RBFOX1: variants seen among roughly 807,000 people sequenced by gnomAD.
RBFOX1 encodes RNA binding protein fox-1 homolog 1.
A neutral mutation model predicts 57.7 loss-of-function variants in RBFOX1; 8 were observed. The ratio of observed to expected loss-of-function variants is 0.14; its 90% CI spans 0.08 to 0.25. The LOEUF (loss-of-function observed/expected upper bound fraction) is 0.25. Among genes scored for constraint, RBFOX1 ranks in the 10% least tolerant of loss-of-function variants. The probability of loss-of-function intolerance (pLI) is 1.00; values close to 1 mark genes in which losing one functional copy is unlikely to be tolerated. For synonymous variants in RBFOX1, 326 were observed against 222.4 expected, an observed-to-expected ratio of 1.47 and a Z score of -4.15; for missense variants, 611 against 548.5, an observed-to-expected ratio of 1.11 and a Z score of -1.14.
intron 1 of RBFOX1, among the ~76,000 whole-genome samples, chr16:6,226,891 C>T (rs868599500): frequency 6.6e-6 from 1 of 150,726 alleles, no homozygotes; most frequent in Non-Finnish European, 1.5e-5. Flanking sequence ...GCTGGATTGC[C>T]TGAGCTCAGG....
intron 5 of RBFOX1, among the ~76,000 whole-genome samples, chr16:7,575,297 G>C (rs144783843): frequency 6.6e-6 from 1 of 152,116 alleles, no homozygotes; most frequent in East Asian, 1.9e-4. Flanking sequence ...ACCCCACCTG[G>C]CTAATTTTTG....
chr16:6,840,346 C>T (rs990393388), intron 3 of RBFOX1, among the ~76,000 whole-genome samples: 5 of 152,186 alleles, frequency 3.3e-5, no homozygotes, highest in African/African-American at 9.7e-5. Context: ...TTCATTCGTT[C>T]ATTCATTGGT....
intron 3 of RBFOX1, among the ~76,000 whole-genome samples, chr16:5,837,106 C>G (rs1194290839): frequency 6.6e-6 from 1 of 152,186 alleles, no homozygotes; most frequent in Middle Eastern, 3.4e-3. Flanking sequence ...TTCTAGCCTC[C>G]TTTCCCAACC....
At chr16:5,841,423 C>T (rs1485285542) in intron 3 of RBFOX1, among the ~76,000 whole-genome samples, 3 of 152,166 alleles carry the variant, frequency 2.0e-5, no homozygotes. Context: ...GTATCTTCTT[C>T]CCGAGAGCAA....
At chr16:7,262,351 C>T (rs1567941348) in intron 4 of RBFOX1, among the ~76,000 whole-genome samples, 1 of 151,812 alleles carries the variant, frequency 6.6e-6, no homozygotes, top group Non-Finnish European at 1.5e-5. Context: ...CAATCATGTA[C>T]TTTTTTGAAA....
chr16:7,230,331 C>T (rs1419305274), intron 4 of RBFOX1, among the ~76,000 whole-genome samples: 3 of 152,148 alleles, frequency 2.0e-5, no homozygotes, highest in Admixed American at 1.3e-4. Flanking sequence ...TCAATAATTA[C>T]TCCGTGTGTT....
At chr16:5,998,067 A>C (rs991401649) in intron 4 of RBFOX1, among the ~76,000 whole-genome samples, 1 of 152,212 alleles carries the variant, frequency 6.6e-6, no homozygotes. Flanking sequence ...GTGTGAGAAG[A>C]CATTTGAGTT....
chr16:7,401,753 C>T (rs1237633859), intron 4 of RBFOX1, among the ~76,000 whole-genome samples: 1 of 152,124 alleles, frequency 6.6e-6, no homozygotes, highest in Admixed American at 6.6e-5. Context: ...ATTATGGACT[C>T]AACAGACATA....
chr16:5,527,551 A>G (rs962057880), intron 2 of RBFOX1, among the ~76,000 whole-genome samples: 3 of 152,162 alleles, frequency 2.0e-5, no homozygotes, highest in South Asian at 2.1e-4. Flanking sequence ...GAGCCACTGA[A>G]TATGTAGGGG....
chr16:6,125,684 C>T (rs1013287129), intron 1 of RBFOX1, among the ~76,000 whole-genome samples: 2 of 152,076 alleles, frequency 1.3e-5, no homozygotes, highest in African/African-American at 4.8e-5. Context: ...AGCAGAAATG[C>T]GTGTCTAACC....
At chr16:5,807,893 C>G (rs2055284980) in intron 3 of RBFOX1, among the ~76,000 whole-genome samples, 1 of 152,228 alleles carries the variant, frequency 6.6e-6, no homozygotes, top group African/African-American at 2.4e-5. Flanking sequence ...CAACTGGACA[C>G]TTTCCAGAAC....
chr16:6,846,767 T>C (rs968221504), intron 3 of RBFOX1, among the ~76,000 whole-genome samples: 2 of 152,190 alleles, frequency 1.3e-5, no homozygotes, highest in Non-Finnish European at 2.9e-5. Flanking sequence ...TTGTCTTTGA[T>C]AGGAGATGGC....
At chr16:5,751,844 A>G (rs1032874929) in intron 3 of RBFOX1, among the ~76,000 whole-genome samples, 4 of 152,234 alleles carry the variant, frequency 2.6e-5, no homozygotes, top group African/African-American at 9.7e-5. Context: ...AATTAGTTCA[A>G]CCATTGTGGA....
chr16:6,608,294 A>G (rs2097977014), intron 2 of RBFOX1, among the ~76,000 whole-genome samples: 1 of 152,192 alleles, frequency 6.6e-6, no homozygotes, highest in Admixed American at 6.6e-5. Flanking sequence ...GTAAAGCCAT[A>G]TAGTATCCTG....
intron 4 of RBFOX1, among the ~76,000 whole-genome samples, chr16:7,161,546 C>A (rs982098283): frequency 6.6e-6 from 1 of 152,128 alleles, no homozygotes; most frequent in African/African-American, 2.4e-5. Flanking sequence ...AAGAGAGGTA[C>A]ATGTCAGTGA....
At chr16:5,733,275 G>A (rs920447404) in intron 3 of RBFOX1, among the ~76,000 whole-genome samples, 1 of 152,114 alleles carries the variant, frequency 6.6e-6, no homozygotes, top group African/African-American at 2.4e-5. Flanking sequence ...ACGCTTCTGA[G>A]CACCACTGAC....
At chr16:5,478,348 G>T (rs1355363452) in intron 2 of RBFOX1, among the ~76,000 whole-genome samples, 1 of 152,122 alleles carries the variant, frequency 6.6e-6, no homozygotes, top group Admixed American at 6.5e-5. Context: ...TGCTTCTGGA[G>T]GGGGAGTTCC....
downstream of RBFOX1, among the ~76,000 whole-genome samples, chr16:5,604,134 T>G (rs979494911): frequency 2.0e-5 from 3 of 152,204 alleles, no homozygotes; most frequent in South Asian, 4.1e-4. Flanking sequence ...AATTTTTACT[T>G]TGTTCTGCCT....
chr16:6,524,631 A>G (rs2096553951), intron 2 of RBFOX1, among the ~76,000 whole-genome samples: 1 of 152,170 alleles, frequency 6.6e-6, no homozygotes, highest in African/African-American at 2.4e-5. Flanking sequence ...TGCCATAACA[A>G]AGTAGCACAG....
Sources: allele counts gnomAD v4.1 joint callset (sites outside exome capture counted in the v4.1 genomes callset), GRCh38; gene constraint gnomAD v4.1.1; transcripts MANE v1.5; gene names NCBI Gene and HGNC (gene_info 2026-07-23, HGNC 2026-07-21).